The following SRGAP1 variants were observed in gnomAD, a reference collection of about 807,000 sequenced individuals.
The protein encoded by SRGAP1 is SLIT-ROBO Rho GTPase-activating protein 1.
A neutral mutation model predicts 121.9 loss-of-function variants in SRGAP1; 43 were observed. That is an observed-to-expected ratio of 0.35 (90% CI 0.28 to 0.46). The LOEUF (loss-of-function observed/expected upper bound fraction) is 0.46, where lower values mean the gene tolerates loss of function less well. Among genes scored for constraint, SRGAP1 ranks in the 20% least tolerant of loss-of-function variants. The probability of loss-of-function intolerance (pLI) is 1.00; values close to 1 mark genes in which losing one functional copy is unlikely to be tolerated. For missense variants in SRGAP1, 1,102 were observed against 1,350.9 expected (o/e 0.82, Z 2.89); for synonymous variants, 447 against 485.4 (o/e 0.92, Z 1.04).
chr12:63,847,584 A>G (rs1179031252), intron 1 of SRGAP1, among the ~76,000 whole-genome samples: 2 of 151,956 alleles, frequency 1.3e-5, no homozygotes, highest in South Asian at 4.1e-4. Context: ...TGTCCCTACT[A>G]AAAATACAAA....
chr12:64,076,079 C>T (rs1347032136), intron 8 of SRGAP1, among the ~76,000 whole-genome samples: 2 of 152,112 alleles, frequency 1.3e-5, no homozygotes, highest in Non-Finnish European at 2.9e-5. Context: ...GAAGAGCATC[C>T]AATATTTTGA....
intron 10 of SRGAP1, chr12:64,080,622 A>G (rs1270040817): frequency 1.9e-6 from 1 of 535,278 alleles, no homozygotes; most frequent in East Asian, 3.5e-5. Context: ...GCTCCTAGGG[A>G]GGGATCTTCA....
intron 1 of SRGAP1, among the ~76,000 whole-genome samples, chr12:63,892,769 C>G (rs956133587): frequency 6.6e-6 from 1 of 151,980 alleles, no homozygotes; most frequent in African/African-American, 2.4e-5. Context: ...GAGATGCATG[C>G]TTTTTGAAAA....
intron 1 of SRGAP1, among the ~76,000 whole-genome samples, chr12:63,847,369 T>G (rs1018428431): frequency 1.3e-5 from 2 of 152,086 alleles, no homozygotes; most frequent in South Asian, 4.2e-4. Flanking sequence ...AACAAACTAC[T>G]TTTTAAATTA....
At chr12:64,111,614 C>A in intron 16 of SRGAP1, 148 bp from the exon 17 acceptor site, 1 of 638,804 alleles carries the variant, frequency 1.6e-6, no homozygotes, top group Non-Finnish European at 2.6e-6. Context: ...TAGTTAAGGT[C>A]ATAAGTCATT....
At chr12:64,034,568 A>G (rs372029616) in intron 4 of SRGAP1, among the ~76,000 whole-genome samples, 6 of 152,320 alleles carry the variant, frequency 3.9e-5, no homozygotes, top group African/African-American at 9.6e-5. Context: ...GAAATGAATT[A>G]TTTAATGGCA....
At chr12:63,852,828 T>C (rs1183858128) in intron 1 of SRGAP1, among the ~76,000 whole-genome samples, 1 of 152,152 alleles carries the variant, frequency 6.6e-6, no homozygotes, top group Non-Finnish European at 1.5e-5. Flanking sequence ...CTAATTTGCT[T>C]CTGTTTCACT....
Position 64,111,748 on chromosome 12 carries a change from G to C in SRGAP1, c.1920-14G>C. ...TTTGTTCTTTTATAACTCCTTTCTT[G>C]TTTCCTTTTGTAGTCTATCACAGTA... On this transcript the variant is annotated splice_polypyrimidine_tract_variant and intron_variant, in intron 16 of 21. Coordinates refer to ENST00000355086, the MANE Select transcript of SRGAP1 (RefSeq NM_020762.4). 6.5e-7 allele frequency: 1 copy of C among 1,541,418 alleles called. No individual in the cohort carries two copies. Among genetic ancestry groups the C allele is most frequent in the Non-Finnish European group, 8.8e-7 (1 of 1,135,948 alleles).
At chr12:63,915,087 T>C (rs949888124) in intron 1 of SRGAP1, among the ~76,000 whole-genome samples, 2 of 152,184 alleles carry the variant, frequency 1.3e-5, no homozygotes, top group African/African-American at 4.8e-5. Context: ...ATTTGAAATG[T>C]GAATAATGAA....
intron 2 of SRGAP1, among the ~76,000 whole-genome samples, chr12:63,985,704 A>C (rs2033395191): frequency 6.6e-6 from 1 of 152,196 alleles, no homozygotes; most frequent in Non-Finnish European, 1.5e-5. Flanking sequence ...AGAGAAGATA[A>C]GGTCTGTGCC....
At chr12:64,076,332 G>C (rs969613497) in intron 8 of SRGAP1, among the ~76,000 whole-genome samples, 3 of 152,162 alleles carry the variant, frequency 2.0e-5, no homozygotes, top group Non-Finnish European at 4.4e-5. Flanking sequence ...AATGACAAAA[G>C]AACTATTTAC....
At position 64,029,640 on chromosome 12, in the gene SRGAP1, C is replaced by T. The variant is rs142181632; in HGVS notation, c.489+12628C>T. On this transcript the variant is annotated intron_variant, in intron 4 of 21. Coordinates refer to ENST00000355086, the MANE Select transcript of SRGAP1 (RefSeq NM_020762.4). ...GAAAGCACAGATGTGTGAAACATTG[C>T]CTCTGCAGGGAACTCCGTACACTCT... Among the ~76,000 whole-genome samples, 497 of 152,212 alleles carry T rather than the reference C, an allele frequency of 3.3e-3. 5 individuals are homozygous for T. The highest frequency in any genetic ancestry group is 0.011 in the African/African-American group (465 of 41,504).
At position 64,095,029 on chromosome 12, in the gene SRGAP1, A is replaced by C. The variant is rs767799160; in HGVS notation, c.1600+37A>C. 1.9e-6 allele frequency: 3 copies of C among 1,612,040 alleles called. No individual in the cohort carries two copies. The African/African-American group carries it at 4.0e-5, about 22-fold the overall frequency. ...ACTACAGAATTCTTATTTTTTAAAA[A>C]ATCACTTGAAGTGTTTCAGTAAATT... is the stretch of plus-strand genomic sequence containing the variant. On this transcript the variant is annotated intron_variant, in intron 13 of 21. Transcript: ENST00000355086.
At chr12:63,865,298 G>A (rs1218291481) in intron 1 of SRGAP1, among the ~76,000 whole-genome samples, 2 of 151,940 alleles carry the variant, frequency 1.3e-5, no homozygotes, top group East Asian at 1.9e-4. Context: ...GCGAAACCCC[G>A]TCTCTACTAA....
Position 64,146,871 on chromosome 12 carries a change from C to G in SRGAP1, c.*4199C>G, listed in dbSNP as rs1433907356. 2 of 137,342 alleles carry G rather than the reference C, an allele frequency of 1.5e-5. No homozygotes were observed. The highest frequency in any genetic ancestry group is 3.1e-5 in the Non-Finnish European group (2 of 63,600). 8.5% of individuals were successfully genotyped at this position (137,342 alleles called of 1,614,324 possible). A position where few individuals can be genotyped will look rare whatever the true frequency, so the allele number is the denominator to read the frequency against. On this transcript the variant is annotated 3_prime_UTR_variant, in exon 22 of 22. Transcript: ENST00000355086. ...ACTGGAATTTGAGCTTTCACTTACC[C>G]TAGTATACGTTCTTAAAAAAAAAAA...
intron 8 of SRGAP1, among the ~76,000 whole-genome samples, chr12:64,071,263 A>G (rs148611817): frequency 1.1e-4 from 16 of 152,336 alleles, no homozygotes; most frequent in Middle Eastern, 3.4e-3. Flanking sequence ...TAGGATGGGT[A>G]TAAAAATGAG....
chr12:64,137,365 A>G (rs940041007), intron 21 of SRGAP1, among the ~76,000 whole-genome samples: 2 of 152,142 alleles, frequency 1.3e-5, no homozygotes, highest in Non-Finnish European at 2.9e-5. Flanking sequence ...AAAAAAATCC[A>G]TATGTTTAGC....
intron 10 of SRGAP1, among the ~76,000 whole-genome samples, chr12:64,084,451 A>C (rs2136571334): frequency 6.6e-6 from 1 of 152,336 alleles, no homozygotes; most frequent in Non-Finnish European, 1.5e-5. Flanking sequence ...TTCTCTGGGA[A>C]GAAGAGTCTT....
chr12:64,018,252 C>A (rs2034459679), intron 4 of SRGAP1, among the ~76,000 whole-genome samples: 1 of 152,088 alleles, frequency 6.6e-6, no homozygotes, highest in Admixed American at 6.6e-5. Context: ...GCATGCCTGG[C>A]AAATTTTTTT....
Sources: gnomAD v4.1 joint callset for allele counts (sites outside exome capture counted in the v4.1 genomes callset) on GRCh38, gnomAD v4.1.1 for gene constraint, MANE v1.5 for transcripts, NCBI Gene and HGNC (gene_info 2026-07-23, HGNC 2026-07-21) for gene names.